The following PDE6A variants were observed in gnomAD, a reference collection of about 807,000 sequenced individuals.
PDE6A encodes rod cGMP-specific 3',5'-cyclic phosphodiesterase subunit alpha.
PDE6A carries 84 observed loss-of-function variants against 106.3 expected under a neutral mutation model. That is an observed-to-expected ratio of 0.79 (90% CI 0.66 to 0.95). PDE6A has a LOEUF of 0.95. PDE6A is among the 40% of genes least tolerant of loss of function. The pLI is 0.00. For synonymous variants in PDE6A, 394 were observed against 386.6 expected (o/e 1.02, Z -0.23); for missense variants, 1,052 against 1,084.9 (o/e 0.97, Z 0.43).
chr5:149,875,293 C>T (rs974607001), intron 17 of PDE6A, among the ~76,000 whole-genome samples: 15 of 152,192 alleles, frequency 9.9e-5, no homozygotes, highest in African/African-American at 3.6e-4. Context: ...AGCAGGGTTG[C>T]CAGCCCCAAA....
chr5:149,915,400 T>C (rs545659627), intron 5 of PDE6A, among the ~76,000 whole-genome samples: 6 of 152,238 alleles, frequency 3.9e-5, no homozygotes, highest in Middle Eastern at 3.4e-3. Flanking sequence ...TGCCCCGTAG[T>C]TTTTGTTGTT....
chr5:149,896,279 C>T, intron 12 of PDE6A, 77 bp downstream of exon 12: 1 of 1,222,498 alleles, frequency 8.2e-7, no homozygotes, highest in Non-Finnish European at 1.2e-6. Context: ...AGGTAGTTTA[C>T]AGATTGAGTC....
At position 149,873,261 on chromosome 5, in the gene PDE6A, A is replaced by G. The variant is rs548255635; in HGVS notation, c.2136-5103T>C. ...TGAAAGTCAGAATGTGGCCCTCTGT[A>G]AAAGAATACAGCTTTATTTATGGAG... On this transcript the variant is annotated intron_variant, in intron 17 of 21. Coordinates refer to ENST00000255266, the MANE Select transcript of PDE6A (RefSeq NM_000440.3). Among the ~76,000 whole-genome samples, 6 of 152,286 alleles carry G rather than the reference A, an allele frequency of 3.9e-5. No individual in the cohort carries two copies. The South Asian group carries it at 1.2e-3, about 32-fold the overall frequency.
At position 149,934,706 on chromosome 5, in the gene PDE6A, A is replaced by G; in HGVS notation, c.487T>C (p.Cys163Arg). 2 of 1,613,944 alleles carry G rather than the reference A, an allele frequency of 1.2e-6. No individual in the cohort carries two copies. The highest frequency in any genetic ancestry group is 1.7e-6 in the Non-Finnish European group (2 of 1,180,028). The change falls in exon 2 of 22, where the codon TGT (cysteine) becomes CGT (arginine). Residue 163 changes from cysteine to arginine, a missense_variant. Cys to Arg is a radical substitution (Grantham distance 180, BLOSUM62 -3). Coordinates refer to ENST00000255266, the MANE Select transcript of PDE6A (RefSeq NM_000440.3). Reference protein sequence around the residue: ...VPNTEEDEHFCDFVDILTEYK... With the variant: ...VPNTEEDEHFRDFVDILTEYK... The stretch of plus-strand genomic sequence containing the variant: ...TCTGTGAGGATGTCCACAAAGTCAC[A>G]GAAATGCTCATCCTAAAGGAAGGCA...
chr5:149,910,745 C>A (rs576509853), intron 6 of PDE6A, among the ~76,000 whole-genome samples: 2 of 151,904 alleles, frequency 1.3e-5, no homozygotes, highest in Non-Finnish European at 2.9e-5. Context: ...CCTAACAGAT[C>A]GAACTAAAAA....
In PDE6A at chr5:149,899,255, G is replaced by T. The variant is rs193145864; in HGVS notation, c.1263+120C>A. On this transcript the variant is annotated intron_variant, in intron 9 of 21. Transcript: ENST00000255266. ...TGAGAGTGAAGAAAGTGGTTGATGA[G>T]GCAGAGTCAGGGTTATAGCAACCAG... The T allele has an allele frequency of 1.4e-5, 13 of 916,952 alleles. No homozygotes were observed. The East Asian group carries it at 2.9e-4, about 20-fold the overall frequency. The allele number at this position is 916,952 out of a possible 1,614,324, so 56.8% of individuals were successfully genotyped here.
chr5:149,914,830 A>T, intron 6 of PDE6A, 113 bp downstream of exon 6: 1 of 783,378 alleles, frequency 1.3e-6, no homozygotes, highest in Middle Eastern at 2.4e-4. Context: ...TTGTCAGAAC[A>T]CTTATGTATT....
chr5:149,942,510 A>G (rs1754351527), intron 1 of PDE6A, among the ~76,000 whole-genome samples: 3 of 152,092 alleles, frequency 2.0e-5, no homozygotes, highest in Admixed American at 2.0e-4. Context: ...ATACCTGGGT[A>G]TTTCTCGTCA....
chr5:149,868,818 G>C (rs1760428833), intron 17 of PDE6A, among the ~76,000 whole-genome samples: 5 of 152,110 alleles, frequency 3.3e-5, no homozygotes, highest in Admixed American at 3.3e-4. Context: ...ATCACTTTTT[G>C]CTCCATTGGA....
At chr5:149,913,533 G>T (rs1476870641) in intron 6 of PDE6A, among the ~76,000 whole-genome samples, 1 of 152,130 alleles carries the variant, frequency 6.6e-6, no homozygotes, top group Non-Finnish European at 1.5e-5. Context: ...TTATCTGGGT[G>T]ACGGGATTAC....
chr5:149,914,960 C>T lies in PDE6A; in HGVS notation c.981G>A (p.Glu327=), dbSNP rs772714338. 5.0e-6 allele frequency: 8 copies of T among 1,609,928 alleles called. No individual in the cohort carries two copies. In the Admixed American group the frequency reaches 8.3e-5, roughly 17 times the overall value. ...AAACTTACGGGATGACTTTGATGTC[C>T]TCTTTGCCATGCAGGATGTAGTCAA... ...KVIDYILHGK[E]DIKVIPNPPP... Residue 327 remains glutamate (E), a synonymous_variant, in exon 6 of 22, where the codon GAG becomes GAA. Coordinates refer to ENST00000255266, the MANE Select transcript of PDE6A (RefSeq NM_000440.3).
chr5:149,879,973 A>G (rs1177974556), intron 17 of PDE6A, among the ~76,000 whole-genome samples: 2 of 152,170 alleles, frequency 1.3e-5, no homozygotes, highest in East Asian at 3.9e-4. Flanking sequence ...TTTCTCCACT[A>G]GTATAAAACC....
At chr5:149,927,046 G>A (rs543388319) in intron 4 of PDE6A, among the ~76,000 whole-genome samples, 9 of 151,738 alleles carry the variant, frequency 5.9e-5, no homozygotes, top group South Asian at 2.1e-4. Flanking sequence ...ACAGTCATGC[G>A]TCACTTAATG....
chr5:149,887,248 T>C (rs115937944), intron 13 of PDE6A, among the ~76,000 whole-genome samples: 2,680 of 152,326 alleles, frequency 0.018, 72 homozygotes, highest in African/African-American at 0.061. Flanking sequence ...AGCCACAAAA[T>C]TGTATCATGG....
Position 149,934,512 on chromosome 5 carries a change from T to C in PDE6A, c.627+54A>G, listed in dbSNP as rs114009857. ...AAACAGCAAAGTTCAGGGGACTTCATAGGCTGGGAGAATGTGCTAGCATGG... is the reference window on the plus strand; with the variant it reads ...AAACAGCAAAGTTCAGGGGACTTCACAGGCTGGGAGAATGTGCTAGCATGG... On this transcript the variant is annotated intron_variant, in intron 2 of 21. Transcript: ENST00000255266. 3.1e-3 allele frequency: 4,932 copies of C among 1,590,536 alleles called. 85 individuals are homozygous for C. The African/African-American group carries it at 0.043, about 14-fold the overall frequency.
chr5:149,904,734 C>A (rs1373904025), intron 7 of PDE6A, among the ~76,000 whole-genome samples: 1 of 152,096 alleles, frequency 6.6e-6, no homozygotes. Context: ...ACTGCACCAG[C>A]CTTCTGACCT....
rs1035981873 is a variant in PDE6A at position 149,860,626 on chromosome 5, A to C, written c.*269T>G. On this transcript the variant is annotated 3_prime_UTR_variant, in exon 22 of 22. Coordinates refer to ENST00000255266, the MANE Select transcript of PDE6A (RefSeq NM_000440.3). ...AACACAAATTCATAAACTTTCTTAA[A>C]ACATTATGAAATTTTTTTTTTTGGC... The C allele has an allele frequency of 1.2e-5, 5 of 400,472 alleles. No homozygotes were observed. In the Admixed American group the frequency reaches 1.6e-4, roughly 13 times the overall value. 24.8% of individuals were successfully genotyped at this position (400,472 alleles called of 1,614,324 possible). A position where few individuals can be genotyped will look rare whatever the true frequency, so the allele number is the denominator to read the frequency against.
At chr5:149,893,205 C>T (rs1275108441) in intron 13 of PDE6A, among the ~76,000 whole-genome samples, 1 of 152,218 alleles carries the variant, frequency 6.6e-6, no homozygotes, top group South Asian at 2.1e-4. Context: ...GAAGACTGCT[C>T]TTGAACTCCA....
Position 149,863,269 on chromosome 5 carries a change from A to G in PDE6A, c.2359-3T>C. The G allele has an allele frequency of 1.9e-6, 3 of 1,614,112 alleles. No homozygotes were observed. The highest frequency in any genetic ancestry group is 1.1e-5 in the South Asian group (1 of 91,078). ...TCCTCGTGGAAACGGGAGAATTCCT[A>G]GAAGAGAGAGTATGTGCCTCTGGTG... On this transcript the variant is annotated splice_polypyrimidine_tract_variant and splice_region_variant and intron_variant, in intron 20 of 21. Transcript: ENST00000255266. The surrounding 1 kb of genome is among the most constrained non-coding windows in gnomAD (Gnocchi z 4.7).
Sources: gnomAD v4.1 joint callset for allele counts (sites outside exome capture counted in the v4.1 genomes callset) on GRCh38, gnomAD v4.1.1 for gene constraint, Gnocchi (gnomAD v3.1) non-coding constraint, MANE v1.5 for transcripts, NCBI Gene and HGNC (gene_info 2026-07-23, HGNC 2026-07-21) for gene names.